The following RBFOX1 variants were observed in gnomAD, a reference collection of about 807,000 sequenced individuals.
RBFOX1 encodes the protein RNA binding protein fox-1 homolog 1.
In RBFOX1, 8 loss-of-function variants were observed where a neutral mutation model predicts 57.7. The observed-to-expected ratio is 0.14, with a 90% CI of 0.08 to 0.25. The LOEUF (loss-of-function observed/expected upper bound fraction) is 0.25. Ranked by LOEUF, RBFOX1 falls within the 10% of genes least tolerant of loss-of-function variation. RBFOX1 has a pLI of 1.00. For synonymous variants in RBFOX1, 326 were observed against 222.4 expected, an observed-to-expected ratio of 1.47 and a Z score of -4.15; for missense variants, 611 against 548.5, an observed-to-expected ratio of 1.11 and a Z score of -1.14.
At chr16:6,850,398 G>A (rs2093999031) in intron 3 of RBFOX1, among the ~76,000 whole-genome samples, 1 of 152,128 alleles carries the variant, frequency 6.6e-6, no homozygotes, top group Non-Finnish European at 1.5e-5. Flanking sequence ...GGTCCTGGAG[G>A]GCTTCTCTGA....
At chr16:6,503,128 A>C (rs1753664569) in intron 2 of RBFOX1, among the ~76,000 whole-genome samples, 1 of 152,236 alleles carries the variant, frequency 6.6e-6, no homozygotes, top group South Asian at 2.1e-4. Flanking sequence ...TATTCAAAGA[A>C]AGGATGCTGA....
At chr16:6,524,876 A>G (rs147954440) in intron 2 of RBFOX1, among the ~76,000 whole-genome samples, 1 of 152,156 alleles carries the variant, frequency 6.6e-6, no homozygotes, top group African/African-American at 2.4e-5. Context: ...CTCTCTTTAT[A>G]AGGACACCAT....
At chr16:5,422,416 A>G (rs1434705348) in intron 1 of RBFOX1, among the ~76,000 whole-genome samples, 4 of 105,966 alleles carry the variant, frequency 3.8e-5, no homozygotes, top group East Asian at 3.3e-4. Context: ...TAGGGAGAGG[A>G]AGGAGGAGGG....
At chr16:5,586,279 G>C (rs955470886) in intron 2 of RBFOX1, among the ~76,000 whole-genome samples, 3 of 152,112 alleles carry the variant, frequency 2.0e-5, no homozygotes, top group Non-Finnish European at 2.9e-5. Context: ...ACTTATTTTA[G>C]ACCACTCAGT....
intron 3 of RBFOX1, among the ~76,000 whole-genome samples, chr16:6,672,422 G>A (rs1212315573): frequency 6.8e-6 from 1 of 146,214 alleles, no homozygotes; most frequent in African/African-American, 2.5e-5. Flanking sequence ...ATGGATGGAA[G>A]GAAGGAAAAA....
chr16:7,488,646 G>T (rs75057384), intron 4 of RBFOX1, among the ~76,000 whole-genome samples: 1 of 152,000 alleles, frequency 6.6e-6, no homozygotes, highest in Non-Finnish European at 1.5e-5. Flanking sequence ...CACTCTATTT[G>T]TCTGTACGTA....
intron 3 of RBFOX1, among the ~76,000 whole-genome samples, chr16:6,813,858 C>G (rs1405523700): frequency 1.3e-5 from 2 of 152,144 alleles, no homozygotes; most frequent in African/African-American, 4.8e-5. Context: ...TGGCTTCCAT[C>G]TGAGCTCAGC....
chr16:5,999,911 TG>T (rs56019721), intron 4 of RBFOX1, among the ~76,000 whole-genome samples: 26,602 of 52,078 alleles, frequency 0.51, 8,135 homozygotes, highest in Non-Finnish European at 0.58. Flanking sequence ...AAAAAAAGAG[TG>T]AAGAAGGGAA....
intron 1 of RBFOX1, among the ~76,000 whole-genome samples, chr16:5,450,501 G>A (rs1171521478): frequency 6.6e-6 from 1 of 152,174 alleles, no homozygotes; most frequent in Non-Finnish European, 1.5e-5. Flanking sequence ...TGCGTGTGGG[G>A]CGGGCCTCTC....
intron 4 of RBFOX1, among the ~76,000 whole-genome samples, chr16:7,220,022 C>G (rs887136312): frequency 1.3e-5 from 2 of 152,056 alleles, no homozygotes; most frequent in African/African-American, 4.8e-5. Flanking sequence ...TCGATTAAGC[C>G]TTCATTTTAA....
At chr16:6,825,111 C>G (rs904024976) in intron 3 of RBFOX1, among the ~76,000 whole-genome samples, 2 of 148,346 alleles carry the variant, frequency 1.3e-5, no homozygotes, top group Non-Finnish European at 1.5e-5. Flanking sequence ...ATTCTCCTGC[C>G]TCAGCCTCCC....
intron 1 of RBFOX1, among the ~76,000 whole-genome samples, chr16:5,287,741 T>G (rs899951638): frequency 1.3e-5 from 2 of 152,164 alleles, no homozygotes; most frequent in African/African-American, 4.8e-5. Context: ...ATGCACAGTT[T>G]CCAAGTTTTT....
chr16:7,559,153 G>A (rs985055049), intron 5 of RBFOX1, among the ~76,000 whole-genome samples: 4 of 152,174 alleles, frequency 2.6e-5, no homozygotes, highest in African/African-American at 9.6e-5. Context: ...AAGCTGCAGG[G>A]CAGGGCTGAA....
At chr16:7,578,376 T>C (rs1009234483) in intron 5 of RBFOX1, among the ~76,000 whole-genome samples, 1 of 152,220 alleles carries the variant, frequency 6.6e-6, no homozygotes, top group Non-Finnish European at 1.5e-5. Flanking sequence ...GTAGGTCTTT[T>C]GATACCAGAG....
At chr16:5,526,376 C>A (rs925869136) in intron 2 of RBFOX1, among the ~76,000 whole-genome samples, 1 of 152,150 alleles carries the variant, frequency 6.6e-6, no homozygotes, top group East Asian at 1.9e-4. Context: ...GCAACCCCTG[C>A]CTCCCGGGGT....
chr16:6,004,362 C>T (rs547038060), intron 4 of RBFOX1, among the ~76,000 whole-genome samples: 1 of 152,204 alleles, frequency 6.6e-6, no homozygotes, highest in Admixed American at 6.5e-5. Flanking sequence ...ATATTTTATC[C>T]ATTGCATAGA....
At chr16:7,452,418 T>C (rs916834387) in intron 4 of RBFOX1, among the ~76,000 whole-genome samples, 4 of 152,218 alleles carry the variant, frequency 2.6e-5, no homozygotes, top group African/African-American at 9.6e-5. Flanking sequence ...GGCCAGTTGC[T>C]TCATATTCCA....
At chr16:6,281,571 A>T (rs1469107596) in intron 1 of RBFOX1, among the ~76,000 whole-genome samples, 1 of 152,114 alleles carries the variant, frequency 6.6e-6, no homozygotes, top group Non-Finnish European at 1.5e-5. Context: ...GGTAAAAGAA[A>T]CAGGTGAGGT....
chr16:7,095,867 G>A (rs1200656301), intron 4 of RBFOX1, among the ~76,000 whole-genome samples: 3 of 151,964 alleles, frequency 2.0e-5, no homozygotes, highest in African/African-American at 7.3e-5. Flanking sequence ...AAAAAAATTA[G>A]CCAGGCGTGG....
Sources: gnomAD v4.1 joint callset for allele counts (sites outside exome capture counted in the v4.1 genomes callset) on GRCh38, gnomAD v4.1.1 for gene constraint, MANE v1.5 for transcripts, NCBI Gene and HGNC (gene_info 2026-07-23, HGNC 2026-07-21) for gene names.